GOLGA1: variants seen among roughly 807,000 people sequenced by gnomAD.
The protein encoded by GOLGA1 is golgin A1, also known as golgin subfamily A member 1.
In GOLGA1, 63 loss-of-function variants were observed where a neutral mutation model predicts 119.7. The observed-to-expected ratio is 0.53, with a 90% CI of 0.43 to 0.65. The LOEUF (loss-of-function observed/expected upper bound fraction) is 0.65. Ranked by LOEUF, GOLGA1 falls within the 30% of genes least tolerant of loss-of-function variation. GOLGA1 has a pLI of 0.00. For synonymous variants in GOLGA1, 318 were observed against 333.4 expected (o/e 0.95, Z 0.50); for missense variants, 798 against 912.8 (o/e 0.87, Z 1.62).
At chr9:124,895,407 C>T (rs1829951038) in intron 15 of GOLGA1, among the ~76,000 whole-genome samples, 2 of 142,750 alleles carry the variant, frequency 1.4e-5, no homozygotes, top group African/African-American at 5.3e-5. Context: ...CTCTCCACAA[C>T]AGAGACGCTC....
chr9:124,920,661 C>T (rs1411076174), intron 10 of GOLGA1, among the ~76,000 whole-genome samples: 1 of 151,904 alleles, frequency 6.6e-6, no homozygotes, highest in Non-Finnish European at 1.5e-5. Flanking sequence ...TCAGGCCAGG[C>T]ACGGTGGCTC....
chr9:124,898,964 G>A (rs1830039359), intron 14 of GOLGA1, among the ~76,000 whole-genome samples: 1 of 152,160 alleles, frequency 6.6e-6, no homozygotes, highest in South Asian at 2.1e-4. Flanking sequence ...GGGAGGCTGA[G>A]GTGGGCAGAT....
intron 6 of GOLGA1, among the ~76,000 whole-genome samples, chr9:124,927,691 A>G (rs1279157715): frequency 2.0e-5 from 3 of 152,212 alleles, no homozygotes; most frequent in Non-Finnish European, 4.4e-5. Context: ...TTATTCATTC[A>G]GCATCTTCCA....
chr9:124,931,246 T>C, intron 4 of GOLGA1, 70 bp downstream of exon 4: 1 of 781,250 alleles, frequency 1.3e-6, no homozygotes, highest in East Asian at 2.5e-5. Context: ...CCTATATGGC[T>C]ATTTTATAGG....
upstream of GOLGA1, chr9:124,943,499 G>C (rs1831092689): frequency 6.6e-6 from 1 of 152,168 alleles, no homozygotes. Context: ...AAAATATTGT[G>C]CTTCAGTCTC....
intron 3 of GOLGA1, 102 bp downstream of exon 3, chr9:124,938,475 A>G: frequency 2.1e-6 from 2 of 957,732 alleles, no homozygotes; most frequent in Non-Finnish European, 3.2e-6. Context: ...GCTCTTGTAC[A>G]GCTATAAACC....
intron 4 of GOLGA1, among the ~76,000 whole-genome samples, chr9:124,930,966 T>C (rs1228133339): frequency 1.3e-5 from 2 of 152,240 alleles, no homozygotes; most frequent in African/African-American, 4.8e-5. Flanking sequence ...ATCCAATATC[T>C]GTTGGCCATT....
At chr9:124,886,394 G>A (rs539870690) in intron 19 of GOLGA1, among the ~76,000 whole-genome samples, 2 of 151,840 alleles carry the variant, frequency 1.3e-5, no homozygotes, top group African/African-American at 4.8e-5. Context: ...AGAGACGCCT[G>A]TCCAAGGCTG....
chr9:124,907,070 AAG>A (rs913499495), intron 12 of GOLGA1, among the ~76,000 whole-genome samples: 4 of 152,236 alleles, frequency 2.6e-5, no homozygotes, highest in Non-Finnish European at 1.5e-5. Context: ...TTGAAAAAAA[AAG>A]AGAATTTGTC....
intron 13 of GOLGA1, 117 bp from the exon 14 acceptor site, chr9:124,899,595 A>G (rs1416069011): frequency 3.2e-5 from 34 of 1,055,262 alleles, no homozygotes; most frequent in Non-Finnish European, 4.6e-5. Flanking sequence ...TCCTGACCCC[A>G]TCCCCCCTGG....
At chr9:124,934,897 A>G (rs965310258) in intron 3 of GOLGA1, among the ~76,000 whole-genome samples, 34 of 152,136 alleles carry the variant, frequency 2.2e-4, no homozygotes, top group African/African-American at 8.2e-4. Flanking sequence ...AAATACAAAA[A>G]TTAGCTGGGT....
chr9:124,925,920 T>C (rs1830663207), intron 7 of GOLGA1, among the ~76,000 whole-genome samples: 1 of 152,196 alleles, frequency 6.6e-6, no homozygotes, highest in South Asian at 2.1e-4. Flanking sequence ...TGTACGGTGT[T>C]ATGCAAGCAA....
chr9:124,880,384 T>C lies in GOLGA1; in HGVS notation c.*146A>G, dbSNP rs1829546913. On this transcript the variant is annotated 3_prime_UTR_variant, in exon 23 of 23. Transcript: ENST00000373555. ...AGGTTCAGGTCAGCCTGCAGGGAAG[T>C]GGGCCTTAGTCTTGTAAACAATGTT... The C allele has an allele frequency of 3.4e-6, 2 of 587,874 alleles. No homozygotes were observed. The highest frequency in any genetic ancestry group is 6.4e-6 in the Non-Finnish European group (2 of 311,668). 36.4% of individuals were successfully genotyped at this position (587,874 alleles called of 1,614,324 possible). A position where few individuals can be genotyped will look rare whatever the true frequency, so the allele number is the denominator to read the frequency against.
intron 3 of GOLGA1, among the ~76,000 whole-genome samples, chr9:124,932,657 T>C (rs779501349): frequency 6.6e-6 from 1 of 152,222 alleles, no homozygotes; most frequent in African/African-American, 2.4e-5. Flanking sequence ...CTATTACTAG[T>C]TGTCTTAGTC....
chr9:124,898,974 T>A (rs1032946912), intron 14 of GOLGA1, among the ~76,000 whole-genome samples: 3 of 152,102 alleles, frequency 2.0e-5, no homozygotes, highest in Admixed American at 6.6e-5. Flanking sequence ...GGTGGGCAGA[T>A]CCCTTGAGCC....
At chr9:124,890,739 C>A (rs987737066) in intron 15 of GOLGA1, among the ~76,000 whole-genome samples, 1 of 152,152 alleles carries the variant, frequency 6.6e-6, no homozygotes, top group Admixed American at 6.5e-5. Context: ...CCGCCAGGAC[C>A]CACACCAAGG....
intron 13 of GOLGA1, 127 bp from the exon 14 acceptor site, chr9:124,899,605 G>T: frequency 1.1e-6 from 1 of 944,574 alleles, no homozygotes; most frequent in Non-Finnish European, 1.6e-6. Context: ...ATCCCCCCTG[G>T]CGTTGCTGAG....
At chr9:124,912,969 C>A (rs918259702) in intron 10 of GOLGA1, among the ~76,000 whole-genome samples, 3 of 152,132 alleles carry the variant, frequency 2.0e-5, no homozygotes, top group African/African-American at 7.2e-5. Context: ...ATAAAGAATA[C>A]CTGAGACTGA....
intron 4 of GOLGA1, among the ~76,000 whole-genome samples, chr9:124,930,399 C>T (rs140546054): frequency 6.6e-6 from 1 of 152,336 alleles, no homozygotes; most frequent in East Asian, 1.9e-4. Context: ...TGGATCCCAG[C>T]TCTACCACTT....
Sources: allele counts gnomAD v4.1 joint callset (sites outside exome capture counted in the v4.1 genomes callset), GRCh38; gene constraint gnomAD v4.1.1; transcripts MANE v1.5; gene names NCBI Gene and HGNC (gene_info 2026-07-23, HGNC 2026-07-21).